ADK: variants seen among roughly 807,000 people sequenced by gnomAD.
ADK encodes N6,N6-dimethyladenosine kinase.
ADK carries 24 observed loss-of-function variants against 44.7 expected under a neutral mutation model. The observed-to-expected ratio is 0.54, with a 90% CI of 0.39 to 0.76. ADK has a LOEUF of 0.76. Among genes scored for constraint, ADK ranks in the 30% least tolerant of loss-of-function variants. The pLI is 0.00. For synonymous variants in ADK, 128 were observed against 142.6 expected, an observed-to-expected ratio of 0.90 and a Z score of 0.73; for missense variants, 321 against 425.1, an observed-to-expected ratio of 0.76 and a Z score of 2.15.
At chr10:74,163,674 A>G (rs1286465342) in intron 1 of ADK, among the ~76,000 whole-genome samples, 1 of 152,188 alleles carries the variant, frequency 6.6e-6, no homozygotes, top group Admixed American at 6.5e-5. Flanking sequence ...GGTTTTCTCA[A>G]ATTCCTTTAA....
At chr10:74,620,363 ATAGTGTTTAACT>A (rs1315795881) in intron 9 of ADK, among the ~76,000 whole-genome samples, 10 of 152,206 alleles carry the variant, frequency 6.6e-5, no homozygotes, top group Non-Finnish European at 8.8e-5. Context: ...GTGAGAATAC[ATAGTGTTTAACT>A]TTGTGTTCCT....
chr10:74,583,431 C>T (rs139268121), intron 7 of ADK, among the ~76,000 whole-genome samples: 4 of 152,180 alleles, frequency 2.6e-5, no homozygotes, highest in African/African-American at 9.7e-5. Context: ...AGGATAATAT[C>T]TCCCGGTTAA....
At chr10:74,453,833 T>C (rs1845853632) in intron 6 of ADK, among the ~76,000 whole-genome samples, 3 of 152,130 alleles carry the variant, frequency 2.0e-5, no homozygotes, top group Admixed American at 2.0e-4. Context: ...GTTTTAAGCA[T>C]ATAAATATTC....
intron 9 of ADK, among the ~76,000 whole-genome samples, chr10:74,621,188 G>T (rs1286137104): frequency 6.6e-6 from 1 of 152,088 alleles, no homozygotes; most frequent in Non-Finnish European, 1.5e-5. Flanking sequence ...CCTTCTAGTA[G>T]TTTTATTGTT....
At chr10:74,366,276 G>T (rs906177570) in intron 4 of ADK, among the ~76,000 whole-genome samples, 2 of 151,972 alleles carry the variant, frequency 1.3e-5, no homozygotes, top group African/African-American at 4.8e-5. Context: ...AAAATAGTAC[G>T]TCTTGAAAGT....
chr10:74,357,896 G>C (rs919207800), intron 4 of ADK, among the ~76,000 whole-genome samples: 2 of 152,078 alleles, frequency 1.3e-5, no homozygotes, highest in Non-Finnish European at 2.9e-5. Flanking sequence ...ATATTTATTT[G>C]AACAGAGTTT....
intron 1 of ADK, among the ~76,000 whole-genome samples, chr10:74,151,762 G>A (rs977501571): frequency 1.3e-5 from 2 of 152,224 alleles, no homozygotes; most frequent in Non-Finnish European, 2.9e-5. Flanking sequence ...AATTCTTGGG[G>A]ATTTTTCAGA....
intron 7 of ADK, among the ~76,000 whole-genome samples, chr10:74,578,398 A>C (rs1438002737): frequency 6.6e-6 from 1 of 152,136 alleles, no homozygotes; most frequent in South Asian, 2.1e-4. Flanking sequence ...TATACATTTT[A>C]CTTATCTTAA....
At chr10:74,193,761 C>T (rs1843032522) in intron 1 of ADK, among the ~76,000 whole-genome samples, 1 of 152,016 alleles carries the variant, frequency 6.6e-6, no homozygotes, top group African/African-American at 2.4e-5. Context: ...AGAACAGGAG[C>T]CTGTCTCAAA....
intron 6 of ADK, among the ~76,000 whole-genome samples, chr10:74,485,701 C>T (rs899746600): frequency 1.3e-5 from 2 of 151,990 alleles, no homozygotes; most frequent in Non-Finnish European, 2.9e-5. Context: ...TAATTATATC[C>T]AATATCTAGA....
intron 3 of ADK, among the ~76,000 whole-genome samples, chr10:74,232,500 C>T (rs1591902391): frequency 1.4e-5 from 2 of 144,898 alleles, no homozygotes; most frequent in South Asian, 2.3e-4. Flanking sequence ...CCAGCCTGGG[C>T]AATAGAGTGA....
intron 6 of ADK, among the ~76,000 whole-genome samples, chr10:74,513,060 T>C (rs763159877): frequency 2.0e-5 from 3 of 152,156 alleles, no homozygotes; most frequent in Non-Finnish European, 2.9e-5. Flanking sequence ...CATGTAATGG[T>C]ATATTTCTAA....
chr10:74,663,776 A>G (rs181126124), intron 9 of ADK, among the ~76,000 whole-genome samples: 21 of 152,316 alleles, frequency 1.4e-4, no homozygotes, highest in Admixed American at 8.5e-4. Flanking sequence ...TTTATGCCTC[A>G]AAAGTCCTTG....
intron 9 of ADK, among the ~76,000 whole-genome samples, chr10:74,662,633 A>G (rs184979453): frequency 6.6e-6 from 1 of 152,196 alleles, no homozygotes; most frequent in East Asian, 1.9e-4. Flanking sequence ...AAAACTTTCC[A>G]ACAGTTTCCC....
At chr10:74,301,959 A>G (rs1840046765) in intron 3 of ADK, among the ~76,000 whole-genome samples, 1 of 152,030 alleles carries the variant, frequency 6.6e-6, no homozygotes, top group South Asian at 2.1e-4. Flanking sequence ...CTGCAATTAA[A>G]TATCAGCAGA....
At chr10:74,598,367 AT>A (rs1851996999) in intron 8 of ADK, among the ~76,000 whole-genome samples, 1 of 147,832 alleles carries the variant, frequency 6.8e-6, no homozygotes, top group Non-Finnish European at 1.5e-5. Context: ...CATTTCTTTG[AT>A]TAAATTACCA....
At chr10:74,196,297 T>C (rs930334144) in intron 1 of ADK, among the ~76,000 whole-genome samples, 24 of 152,102 alleles carry the variant, frequency 1.6e-4, no homozygotes, top group African/African-American at 5.8e-4. Context: ...ATCCCAGCAC[T>C]TTGGGAGGCC....
At chr10:74,425,092 T>G (rs768121939) in intron 6 of ADK, among the ~76,000 whole-genome samples, 29 of 152,324 alleles carry the variant, frequency 1.9e-4, no homozygotes, top group Non-Finnish European at 3.7e-4. Context: ...GAGACTGAGA[T>G]GAAGATACGT....
chr10:74,514,261 A>G (rs1848473270), intron 6 of ADK, among the ~76,000 whole-genome samples: 3 of 152,146 alleles, frequency 2.0e-5, no homozygotes, highest in South Asian at 2.1e-4. Context: ...ACTTTTGACA[A>G]TTTAACTGTA....
Sources: allele counts gnomAD v4.1 joint callset (sites outside exome capture counted in the v4.1 genomes callset), GRCh38; gene constraint gnomAD v4.1.1; transcripts MANE v1.5; gene names NCBI Gene and HGNC (gene_info 2026-07-23, HGNC 2026-07-21).